PSPC1: variants seen among roughly 807,000 people sequenced by gnomAD.
PSPC1 encodes the protein paraspeckle component 1.
Under a neutral mutation model 51.6 loss-of-function variants are expected in PSPC1, and 14 were observed. The ratio of observed to expected loss-of-function variants is 0.27; its 90% CI spans 0.18 to 0.42. PSPC1 has a LOEUF of 0.42. Among genes scored for constraint, PSPC1 ranks in the 10% least tolerant of loss-of-function variants. PSPC1 has a pLI of 1.00. For synonymous variants in PSPC1, 193 were observed against 231.9 expected (o/e 0.83, Z 1.53); for missense variants, 406 against 701.1 (o/e 0.58, Z 4.75).
At chr13:19,717,292 A>T (rs1882214875) in intron 6 of PSPC1, among the ~76,000 whole-genome samples, 1 of 149,860 alleles carries the variant, frequency 6.7e-6, no homozygotes, top group Admixed American at 6.7e-5. Flanking sequence ...TGGGCCGGAC[A>T]TGGTGGCTCA....
intron 6 of PSPC1, among the ~76,000 whole-genome samples, chr13:19,693,906 G>A (rs1234570150): frequency 2.0e-5 from 3 of 151,908 alleles, no homozygotes; most frequent in Admixed American, 6.6e-5. Flanking sequence ...GGCGGATCAC[G>A]AGGTCAGGAG....
rs1301103421 is a variant in PSPC1, at chr13:19,743,747, A to G, written c.968-2098T>C. ...CTTGATTATCTGAAAAATGTTAAAC[A>G]TGACCGCAATTATTTCGAACCTTTA... On this transcript the variant is annotated intron_variant, in intron 4 of 8. Transcript: ENST00000338910. Among the ~76,000 whole-genome samples, 6 of 152,176 alleles carry G rather than the reference A, an allele frequency of 3.9e-5. No homozygotes were observed. The East Asian group carries it at 1.2e-3, about 29-fold the overall frequency.
chr13:19,717,827 G>GTGC (rs1196385987), intron 6 of PSPC1, among the ~76,000 whole-genome samples: 1 of 151,366 alleles, frequency 6.6e-6, no homozygotes, highest in Non-Finnish European at 1.5e-5. Flanking sequence ...AGTGAGCTGA[G>GTGC]ATCGTGCCAC....
rs567477415 is a variant in PSPC1 at position 19,744,791 on chromosome 13, G to A, written c.968-3142C>T. 7.9e-5 allele frequency among the ~76,000 whole-genome samples: 12 copies of A among 152,152 alleles called. No individual in the cohort carries two copies. The East Asian group carries it at 2.1e-3, about 27-fold the overall frequency. ...TCTTGGCCAGGCTGGTCTTGAACTC[G>A]TAACCTTGTGATCCACCCGCCTTGG... On this transcript the variant is annotated intron_variant, in intron 4 of 8. Transcript: ENST00000338910.
chr13:19,699,909 T>A (rs565568201), downstream of PSPC1, among the ~76,000 whole-genome samples: 2 of 152,032 alleles, frequency 1.3e-5, no homozygotes, highest in Non-Finnish European at 2.9e-5. Flanking sequence ...GTAACAAAAC[T>A]CTGAACACCT....
At chr13:19,685,988 C>A (rs1271015441) in intron 6 of PSPC1, among the ~76,000 whole-genome samples, 1 of 152,116 alleles carries the variant, frequency 6.6e-6, no homozygotes, top group African/African-American at 2.4e-5. Flanking sequence ...ATTGTCTCTC[C>A]TCTTACATAT....
At chr13:19,714,213 A>G (rs934202401) in intron 6 of PSPC1, among the ~76,000 whole-genome samples, 4 of 152,248 alleles carry the variant, frequency 2.6e-5, no homozygotes, top group Non-Finnish European at 4.4e-5. Context: ...AAGAAAAAGC[A>G]TTCATAATTG....
chr13:19,699,338 T>TC (rs1248971395), downstream of PSPC1: 8 of 151,862 alleles, frequency 5.3e-5, no homozygotes, highest in African/African-American at 1.7e-4. Flanking sequence ...TTTCATTATT[T>TC]CCCCAGAGTA....
At chr13:19,690,872 C>T (rs1366132414) in intron 6 of PSPC1, among the ~76,000 whole-genome samples, 1 of 152,140 alleles carries the variant, frequency 6.6e-6, no homozygotes, top group Non-Finnish European at 1.5e-5. Flanking sequence ...TACTCGTCCT[C>T]CCTGCTGGCT....
intron 6 of PSPC1, among the ~76,000 whole-genome samples, chr13:19,715,718 A>G (rs1882006346): frequency 6.6e-6 from 1 of 152,206 alleles, no homozygotes; most frequent in African/African-American, 2.4e-5. Context: ...ACACAGTGAG[A>G]CACTGTCTCT....
At chr13:19,745,688 C>T (rs185462201) in intron 4 of PSPC1, among the ~76,000 whole-genome samples, 3 of 144,398 alleles carry the variant, frequency 2.1e-5, no homozygotes, top group East Asian at 2.1e-4. Context: ...GGCGTGATCT[C>T]GGCTCACTGC....
intron 7 of PSPC1, among the ~76,000 whole-genome samples, chr13:19,709,112 T>C (rs1420940796): frequency 6.7e-6 from 1 of 149,040 alleles, no homozygotes; most frequent in East Asian, 2.0e-4. Flanking sequence ...CAAGCCAAGT[T>C]TGTGCCACTG....
At position 19,723,275 on chromosome 13, in the gene PSPC1, AG is replaced by A. The variant is rs148012578; in HGVS notation, c.1158+6963del. On this transcript the variant is annotated intron_variant, in intron 6 of 8. Coordinates refer to ENST00000338910, the MANE Select transcript of PSPC1 (RefSeq NM_001354909.2). The stretch of plus-strand genomic sequence containing the variant: ...TGAACCTCTCTGAAACTCTAACAGA[AG>A]GTAAGATCAAAAAAATGTTAATCAA... Among the ~76,000 whole-genome samples the A allele has an allele frequency of 4.9e-3, 749 of 152,300 alleles. 6 individuals are homozygous for A. Among genetic ancestry groups the A allele is most frequent in the African/African-American group, 0.017 (716 of 41,552 alleles).
intron 1 of PSPC1, among the ~76,000 whole-genome samples, chr13:19,779,882 G>A (rs1593797921): frequency 8.4e-6 from 1 of 118,890 alleles, no homozygotes; most frequent in Non-Finnish European, 1.8e-5. Flanking sequence ...CCCCCCGCCC[G>A]GCCAGCCGCC....
rs578189151 is a variant in PSPC1 at position 19,755,998 on chromosome 13, A to G, written c.770+3325T>C. 2.6e-5 allele frequency among the ~76,000 whole-genome samples: 4 copies of G among 152,164 alleles called. No homozygotes were observed. The South Asian group carries it at 6.2e-4, about 24-fold the overall frequency. The stretch of plus-strand genomic sequence containing the variant: ...ACATCTGTAATCCCAGCACCTTGGG[A>G]GGCCAAGGTGGGTGGATCACCCAAG... On this transcript the variant is annotated intron_variant, in intron 3 of 8. Coordinates refer to ENST00000338910, the MANE Select transcript of PSPC1 (RefSeq NM_001354909.2).
At chr13:19,751,689 CA>C (rs1296764033) in intron 3 of PSPC1, among the ~76,000 whole-genome samples, 1 of 152,198 alleles carries the variant, frequency 6.6e-6, no homozygotes, top group Non-Finnish European at 1.5e-5. Flanking sequence ...TCTGATGCCA[CA>C]ACCTGCATTC....
intron 2 of PSPC1, among the ~76,000 whole-genome samples, chr13:19,762,457 G>A (rs555521002): frequency 6.6e-6 from 1 of 152,320 alleles, no homozygotes; most frequent in East Asian, 1.9e-4. Context: ...CTACTCGGGA[G>A]GCTGAGGCAG....
At chr13:19,764,016 C>CT (rs1313419009) in intron 2 of PSPC1, among the ~76,000 whole-genome samples, 1 of 151,430 alleles carries the variant, frequency 6.6e-6, no homozygotes, top group Non-Finnish European at 1.5e-5. Context: ...AAAAAAGAAA[C>CT]TGAAGGTTTT....
chr13:19,690,428 G>T (rs1246521605), intron 6 of PSPC1, among the ~76,000 whole-genome samples: 2 of 152,152 alleles, frequency 1.3e-5, no homozygotes, highest in African/African-American at 4.8e-5. Flanking sequence ...ATTTGTGTTG[G>T]TTCTGGTTTT....
Sources: allele counts gnomAD v4.1 joint callset (sites outside exome capture counted in the v4.1 genomes callset), GRCh38; gene constraint gnomAD v4.1.1; transcripts MANE v1.5; gene names NCBI Gene and HGNC (gene_info 2026-07-23, HGNC 2026-07-21).